DAB1: variants seen among roughly 807,000 people sequenced by gnomAD.
DAB1 encodes the protein DAB adaptor protein 1.
In DAB1, 15 loss-of-function variants were observed where a neutral mutation model predicts 64.6. That is an observed-to-expected ratio of 0.23 (90% CI 0.16 to 0.36). The LOEUF (loss-of-function observed/expected upper bound fraction) is 0.36. DAB1 is among the 10% of genes least tolerant of loss of function. DAB1 has a pLI of 1.00. For synonymous variants in DAB1, 235 were observed against 251.9 expected, an observed-to-expected ratio of 0.93 and a Z score of 0.64; for missense variants, 596 against 706.7, an observed-to-expected ratio of 0.84 and a Z score of 1.78.
intron 7 of DAB1, among the ~76,000 whole-genome samples, chr1:57,562,463 C>T (rs1366647863): frequency 2.0e-5 from 3 of 152,236 alleles, no homozygotes; most frequent in Admixed American, 1.3e-4. Flanking sequence ...CCCATCATCT[C>T]AAAGCAGTTG....
intron 3 of DAB1, among the ~76,000 whole-genome samples, chr1:58,387,660 G>A (rs1644443637): frequency 6.6e-6 from 1 of 150,944 alleles, no homozygotes; most frequent in Admixed American, 6.6e-5. Context: ...TTCTCTAGGA[G>A]TTAATCTTTC....
At chr1:58,389,745 G>A (rs932594554) in intron 3 of DAB1, among the ~76,000 whole-genome samples, 2 of 152,194 alleles carry the variant, frequency 1.3e-5, no homozygotes, top group African/African-American at 4.8e-5. Flanking sequence ...TCATCTGCTA[G>A]AATAGTAAGC....
At chr1:57,601,772 T>C (rs1207534470) in intron 7 of DAB1, among the ~76,000 whole-genome samples, 1 of 152,224 alleles carries the variant, frequency 6.6e-6, no homozygotes, top group Non-Finnish European at 1.5e-5. Context: ...TTATTTGTTG[T>C]TTTTCTTATT....
In DAB1 at chr1:57,939,598, C is replaced by G. The variant is rs375017682; in HGVS notation, n.388-55436G>C. Among the ~76,000 whole-genome samples the G allele has an allele frequency of 1.7e-4, 26 of 152,312 alleles. No individual in the cohort carries two copies. In the South Asian group the frequency reaches 5.4e-3, roughly 32 times the overall value. On this transcript the variant is annotated intron_variant and non_coding_transcript_variant, in intron 5 of 20. Transcript: ENST00000485760. ...AGTCTCAGCCTAGCGGTAATTTCTT[C>G]CCAGAAATCTTAACAATCCAAGTTG...
chr1:57,436,348 T>A (rs76246753), intron 7 of DAB1, among the ~76,000 whole-genome samples: 2 of 152,180 alleles, frequency 1.3e-5, no homozygotes, highest in Non-Finnish European at 1.5e-5. Flanking sequence ...TACAATCTTA[T>A]AGGACCATCA....
At chr1:58,460,477 C>T (rs1016482738) in intron 3 of DAB1, among the ~76,000 whole-genome samples, 1 of 152,120 alleles carries the variant, frequency 6.6e-6, no homozygotes, top group Non-Finnish European at 1.5e-5. Context: ...TTATTTCTGG[C>T]CAGAACATCT....
chr1:57,006,411 C>T (rs1189591870), intron 14 of DAB1, among the ~76,000 whole-genome samples: 1 of 152,194 alleles, frequency 6.6e-6, no homozygotes, highest in Admixed American at 6.6e-5. Context: ...ATCCCCATGC[C>T]AGGAACCTGG....
rs189304739 is a variant in DAB1, at chr1:57,209,032, G to A, written c.68-63603C>T. Among the ~76,000 whole-genome samples, 380 of 152,338 alleles carry A rather than the reference G, an allele frequency of 2.5e-3. 3 individuals are homozygous for A. Among genetic ancestry groups the A allele is most frequent in the Middle Eastern group, 0.01 (3 of 294 alleles). Reference sequence around the variant, plus strand: ...TCAACTGCTAGTTTCTCCTTGAGAAGGTGAGCTGCAGATGGCATGTCAGAT... The same window carrying A: ...TCAACTGCTAGTTTCTCCTTGAGAAAGTGAGCTGCAGATGGCATGTCAGAT... On this transcript the variant is annotated intron_variant, in intron 2 of 14. Transcript: ENST00000371236.
In DAB1 at chr1:57,297,177, C is replaced by T. The variant is rs528145191; in HGVS notation, c.-136-6011G>A. 1.7e-4 allele frequency among the ~76,000 whole-genome samples: 26 copies of T among 152,052 alleles called. No homozygotes were observed. In the South Asian group the frequency reaches 2.7e-3, roughly 16 times the overall value. ...AAATGTAATAAAAGACAAAGAGAAG[C>T]TGTGGAAATATTTTAGATTAAAAGA... is the stretch of plus-strand genomic sequence containing the variant. On this transcript the variant is annotated intron_variant, in intron 1 of 14. Coordinates refer to ENST00000371236, the MANE Select transcript of DAB1 (RefSeq NM_001365792.1).
chr1:57,480,340 A>T (rs1262966091), intron 7 of DAB1, among the ~76,000 whole-genome samples: 1 of 152,142 alleles, frequency 6.6e-6, no homozygotes, highest in Non-Finnish European at 1.5e-5. Context: ...TTGAAAAAGC[A>T]TGTGGGATGA....
chr1:58,390,576 A>G (rs953948540), intron 3 of DAB1, among the ~76,000 whole-genome samples: 1 of 152,208 alleles, frequency 6.6e-6, no homozygotes, highest in Non-Finnish European at 1.5e-5. Flanking sequence ...TCAGATGATC[A>G]AGTAATATAA....
chr1:57,605,307 T>C (rs981967941), intron 7 of DAB1, among the ~76,000 whole-genome samples: 1 of 152,184 alleles, frequency 6.6e-6, no homozygotes, highest in South Asian at 2.1e-4. Flanking sequence ...TCTAGGGTGT[T>C]GGTGTTGCTT....
intron 1 of DAB1, among the ~76,000 whole-genome samples, chr1:57,840,259 A>G (rs1652990130): frequency 6.6e-6 from 1 of 152,214 alleles, no homozygotes; most frequent in Non-Finnish European, 1.5e-5. Flanking sequence ...CTATGTAATC[A>G]GTGTAAGGCT....
At chr1:58,531,693 T>C (rs966499981) in intron 1 of DAB1, among the ~76,000 whole-genome samples, 2 of 140,490 alleles carry the variant, frequency 1.4e-5, no homozygotes, top group African/African-American at 2.6e-5. Flanking sequence ...AATGTGTGTT[T>C]TGAAAAACAA....
upstream of DAB1, among the ~76,000 whole-genome samples, chr1:57,426,874 A>ATATATTTTTT (rs57970737): frequency 1.3e-4 from 20 of 149,276 alleles, no homozygotes; most frequent in African/African-American, 2.2e-4. Flanking sequence ...ATATATATAT[A>ATATATTTTTT]TTTTTTTGAG....
upstream of DAB1, among the ~76,000 whole-genome samples, chr1:57,884,848 T>A (rs1245299907): frequency 6.6e-6 from 1 of 152,162 alleles, no homozygotes; most frequent in East Asian, 1.9e-4. Flanking sequence ...TTAGTTCCTA[T>A]GAGAGCTGGT....
At chr1:57,763,685 A>T (rs535617432) in intron 6 of DAB1, among the ~76,000 whole-genome samples, 14 of 152,240 alleles carry the variant, frequency 9.2e-5, no homozygotes, top group African/African-American at 3.4e-4. Context: ...CTCTTAAAGA[A>T]AAGTAATTAA....
At chr1:57,367,138 G>A (rs992384467) in intron 1 of DAB1, among the ~76,000 whole-genome samples, 8 of 145,080 alleles carry the variant, frequency 5.5e-5, no homozygotes, top group Admixed American at 1.4e-4. Flanking sequence ...AGCCAGGCAT[G>A]GTGCCATACA....
At chr1:58,248,770 T>C (rs1401089044) in intron 4 of DAB1, among the ~76,000 whole-genome samples, 1 of 152,116 alleles carries the variant, frequency 6.6e-6, no homozygotes, top group African/African-American at 2.4e-5. Flanking sequence ...AATACTGCAG[T>C]GACAAACCCC....
Sources: gnomAD v4.1 joint callset for allele counts (sites outside exome capture counted in the v4.1 genomes callset) on GRCh38, gnomAD v4.1.1 for gene constraint, MANE v1.5 for transcripts, NCBI Gene and HGNC (gene_info 2026-07-23, HGNC 2026-07-21) for gene names.